The following UGT2B4 variants were observed in gnomAD, a reference collection of about 807,000 sequenced individuals.
UGT2B4 encodes UDP glucuronosyltransferase family 2 member B4.
UGT2B4 carries 49 observed loss-of-function variants against 49.8 expected under a neutral mutation model. That is an observed-to-expected ratio of 0.98 (90% CI 0.78 to 1.25). UGT2B4 has a LOEUF of 1.25. UGT2B4 is among the 50% of genes most tolerant of loss of function. The pLI, the probability that UGT2B4 is intolerant of heterozygous loss-of-function variation, is 0.00. For synonymous variants in UGT2B4, 246 were observed against 217.7 expected, an observed-to-expected ratio of 1.13 and a Z score of -1.14; for missense variants, 729 against 627.7, an observed-to-expected ratio of 1.16 and a Z score of -1.73.
chr4:69,491,824 C>T (rs1022070758), intron 2 of UGT2B4, among the ~76,000 whole-genome samples: 1 of 152,072 alleles, frequency 6.6e-6, no homozygotes, highest in South Asian at 2.1e-4. Flanking sequence ...CTTATCTCAG[C>T]TTTTGTCTCT....
At chr4:69,524,576 A>T (rs1728929223) in intron 1 of UGT2B4, among the ~76,000 whole-genome samples, 1 of 152,162 alleles carries the variant, frequency 6.6e-6, no homozygotes, top group South Asian at 2.1e-4. Context: ...ATGATGAAAA[A>T]GATTAAAGCT....
chr4:69,502,101 C>CTTTCTTTCTT (rs1728339164), intron 1 of UGT2B4, among the ~76,000 whole-genome samples: 1 of 103,670 alleles, frequency 9.6e-6, no homozygotes, highest in African/African-American at 4.5e-5. Flanking sequence ...CTCTTTCTTT[C>CTTTCTTTCTT]TTTCTTTCTT....
intron 1 of UGT2B4, among the ~76,000 whole-genome samples, chr4:69,511,237 G>A (rs988422368): frequency 4.6e-5 from 7 of 151,966 alleles, no homozygotes; most frequent in South Asian, 2.1e-4. Context: ...TGATCCACCC[G>A]TCTAGGCTTC....
intron 1 of UGT2B4, among the ~76,000 whole-genome samples, chr4:69,521,022 C>A (rs1407177334): frequency 6.6e-6 from 1 of 152,154 alleles, no homozygotes; most frequent in Non-Finnish European, 1.5e-5. Flanking sequence ...CCCTTCTGAG[C>A]CCATAAAAAC....
intron 1 of UGT2B4, 151 bp from the exon 2 acceptor site, chr4:69,493,992 T>A: frequency 1.2e-6 from 1 of 846,118 alleles, no homozygotes; most frequent in Non-Finnish European, 1.7e-6. Context: ...AGGCATAATT[T>A]AATTTTTATG....
intron 1 of UGT2B4, among the ~76,000 whole-genome samples, chr4:69,502,089 C>CTT (rs879676979): frequency 0.43 from 35,647 of 83,524 alleles, 8,468 homozygotes; most frequent in East Asian, 0.71. Context: ...CTTTCTTTCT[C>CTT]TCTCTTTCTT....
chr4:69,488,669 T>C (rs1577883897), intron 3 of UGT2B4, among the ~76,000 whole-genome samples: 3 of 152,098 alleles, frequency 2.0e-5, no homozygotes, highest in South Asian at 4.1e-4. Flanking sequence ...GCTGCCTCCA[T>C]TGGGAGGAGT....
chr4:69,511,048 C>T (rs1162954249), intron 1 of UGT2B4, among the ~76,000 whole-genome samples: 2 of 139,708 alleles, frequency 1.4e-5, no homozygotes, highest in Admixed American at 7.7e-5. Flanking sequence ...AGTGCAGTGG[C>T]ACAAACTAGG....
intron 1 of UGT2B4, among the ~76,000 whole-genome samples, chr4:69,525,425 G>T (rs1728957657): frequency 6.6e-6 from 1 of 152,088 alleles, no homozygotes; most frequent in Non-Finnish European, 1.5e-5. Context: ...CACAGATAAT[G>T]ATATTAGGTA....
In UGT2B4 at chr4:69,480,714, T is replaced by C. The variant is rs754650230; in HGVS notation, c.1507A>G (p.Thr503Ala). 3.1e-6 allele frequency: 5 copies of C among 1,614,074 alleles called. No individual in the cohort carries two copies. The highest frequency in any genetic ancestry group is 1.3e-5 in the African/African-American group (1 of 75,028). Residue 503 changes from threonine (T) to alanine (A), a missense_variant, in exon 6 of 6, where the codon ACT becomes GCT. Coordinates refer to ENST00000305107, the MANE Select transcript of UGT2B4 (RefSeq NM_021139.3). ...VTGFLLACVATVIFIITKCLF... is the reference protein window; with the variant it reads ...VTGFLLACVAAVIFIITKCLF... ...CATTTTGTGATGATGAATATCACAGTTGCCACACAGGCCAGCAGGAACCCA... is the reference window on the plus strand; with the variant it reads ...CATTTTGTGATGATGAATATCACAGCTGCCACACAGGCCAGCAGGAACCCA...
intron 2 of UGT2B4, among the ~76,000 whole-genome samples, chr4:69,492,576 G>A (rs540922597): frequency 3.9e-5 from 6 of 151,974 alleles, no homozygotes; most frequent in Non-Finnish European, 8.8e-5. Flanking sequence ...ATATAATCTT[G>A]AAATGCTGAA....
chr4:69,513,590 T>C (rs1728660359), intron 1 of UGT2B4, among the ~76,000 whole-genome samples: 1 of 152,174 alleles, frequency 6.6e-6, no homozygotes, highest in Non-Finnish European at 1.5e-5. Flanking sequence ...AATTTTAAAA[T>C]AGTTTTCTCT....
intron 1 of UGT2B4, among the ~76,000 whole-genome samples, chr4:69,510,724 G>A (rs1728584062): frequency 6.6e-6 from 1 of 151,976 alleles, no homozygotes; most frequent in Admixed American, 6.6e-5. Flanking sequence ...ATTTTGGGGA[G>A]TACTTAGGGT....
intron 4 of UGT2B4, 51 bp downstream of exon 4, chr4:69,486,558 C>T: frequency 6.3e-6 from 8 of 1,278,378 alleles, no homozygotes; most frequent in Non-Finnish European, 8.7e-6. Flanking sequence ...ACTATTAACA[C>T]TTTAATAATC....
chr4:69,482,851 C>G (rs1223114196), intron 5 of UGT2B4, among the ~76,000 whole-genome samples: 1 of 152,054 alleles, frequency 6.6e-6, no homozygotes, highest in Non-Finnish European at 1.5e-5. Context: ...CGTGATCCAC[C>G]TGCCTCAGCC....
chr4:69,495,954 T>A, upstream of UGT2B4: 1 of 1,505,522 alleles, frequency 6.6e-7, no homozygotes, highest in Non-Finnish European at 8.9e-7. Flanking sequence ...GAAGTTAAAA[T>A]GTAACTTTTA....
At chr4:69,483,061 C>T (rs1727650244) in intron 5 of UGT2B4, among the ~76,000 whole-genome samples, 1 of 152,094 alleles carries the variant, frequency 6.6e-6, no homozygotes, top group South Asian at 2.1e-4. Context: ...CAAATTTATA[C>T]ATATATTTTC....
intron 1 of UGT2B4, among the ~76,000 whole-genome samples, chr4:69,503,408 G>A (rs1224699920): frequency 2.0e-5 from 3 of 152,160 alleles, no homozygotes; most frequent in Admixed American, 2.0e-4. Flanking sequence ...TGAGTCCACA[G>A]CAACTTCCCA....
chr4:69,495,937 C>A, upstream of UGT2B4: 2 of 1,516,446 alleles, frequency 1.3e-6, no homozygotes, highest in South Asian at 2.7e-5. Context: ...CAGTATAAAT[C>A]AGTCAAGAAG....
Sources: gnomAD v4.1 joint callset for allele counts (sites outside exome capture counted in the v4.1 genomes callset) on GRCh38, gnomAD v4.1.1 for gene constraint, MANE v1.5 for transcripts, NCBI Gene and HGNC (gene_info 2026-07-23, HGNC 2026-07-21) for gene names.